Variants in RAB8B observed in about 807,000 individuals in gnomAD.
The protein encoded by RAB8B is RAB8B, member RAS oncogene family.
A neutral mutation model predicts 32.0 loss-of-function variants in RAB8B; 11 were observed. The ratio of observed to expected loss-of-function variants is 0.34; its 90% confidence interval spans 0.22 to 0.57. The LOEUF (loss-of-function observed/expected upper bound fraction) is 0.57. Among genes scored for constraint, RAB8B ranks in the 20% least tolerant of loss-of-function variants. The pLI is 0.86. For missense variants in RAB8B, 190 were observed against 258.5 expected, an observed-to-expected ratio of 0.73 and a Z score of 1.82; for synonymous variants, 103 against 89.6, an observed-to-expected ratio of 1.15 and a Z score of -0.85.
rs2038248974 is a variant in RAB8B at position 63,266,487 on chromosome 15, C to T, written c.*2868C>T. ...TTGTGCAGTCTTTGTTATAAATTTT[C>T]AGAAGACTATACTCTTTACTTTGAA... On this transcript the variant is annotated 3_prime_UTR_variant, in exon 8 of 8. Transcript: ENST00000321437. 1 of 152,536 alleles carries T rather than the reference C, an allele frequency of 6.6e-6. No individual in the cohort carries two copies. Among genetic ancestry groups the T allele is most frequent in the East Asian group, 1.9e-4 (1 of 5,204 alleles). 9.4% of individuals were successfully genotyped at this position (152,536 alleles called of 1,614,324 possible).
intron 1 of RAB8B, among the ~76,000 whole-genome samples, chr15:63,219,909 C>G (rs2037829523): frequency 1.3e-5 from 2 of 152,162 alleles, no homozygotes; most frequent in African/African-American, 4.8e-5. Context: ...GCTTTCTACT[C>G]TTTCTACATG....
intron 1 of RAB8B, among the ~76,000 whole-genome samples, chr15:63,214,038 G>A (rs999622944): frequency 2.0e-5 from 3 of 151,916 alleles, no homozygotes; most frequent in Non-Finnish European, 4.4e-5. Context: ...CCAAGATTGT[G>A]CCACTGCACT....
intron 1 of RAB8B, among the ~76,000 whole-genome samples, chr15:63,200,030 A>T (rs1020496344): frequency 3.6e-4 from 55 of 152,300 alleles, no homozygotes; most frequent in Admixed American, 2.9e-3. Context: ...GTTTTGAATT[A>T]TTCATGGCAC....
chr15:63,246,014 A>G (rs2038068940), intron 2 of RAB8B, among the ~76,000 whole-genome samples: 1 of 152,132 alleles, frequency 6.6e-6, no homozygotes, highest in Non-Finnish European at 1.5e-5. Context: ...CTGGGATTAC[A>G]GGCATGCGCT....
intron 1 of RAB8B, among the ~76,000 whole-genome samples, chr15:63,216,396 T>A (rs1283776238): frequency 6.6e-6 from 1 of 151,396 alleles, no homozygotes; most frequent in Non-Finnish European, 1.5e-5. Context: ...ACCCGGCTAA[T>A]TTTTTGTATT....
At position 63,259,689 on chromosome 15, in the gene RAB8B, A is replaced by T; in HGVS notation, c.477A>T (p.Glu159Asp). 1 of 1,613,622 alleles carries T rather than the reference A, an allele frequency of 6.2e-7. No homozygotes were observed. The highest frequency in any genetic ancestry group is 2.2e-5 in the East Asian group (1 of 44,886). ...GCGCAAAATCCAGTGCAAATGTAGA[A>T]GAGGTAAGAAGGAAACGTTTGGTGA... Reference protein sequence around the residue: ...ETSAKSSANVEEAFFTLARDI... With the variant: ...ETSAKSSANVDEAFFTLARDI... Residue 159 changes from glutamate (E) to aspartate (D), a missense_variant, in exon 6 of 8, where the codon GAA becomes GAT. By Grantham distance (45) the Glu-to-Asp change is conservative. This residue lies in a region of RAB8B where 110 missense variants were observed against 115.9 expected (regional missense o/e 0.95). Coordinates refer to ENST00000321437, the MANE Select transcript of RAB8B (RefSeq NM_016530.3). This position sits in a 1 kb window ranked among gnomAD's most constrained non-coding sequence, Gnocchi z 4.4.
rs921066988 is a variant in RAB8B at position 63,267,269 on chromosome 15, G to C, written c.*3650G>C. ...CTGAAATGTACAGAAATAAAAATTA[G>C]CAAACAATTATTCTAGGGATATTTT... On this transcript the variant is annotated 3_prime_UTR_variant, in exon 8 of 8. Transcript: ENST00000321437. 2.0e-5 allele frequency: 3 copies of C among 152,506 alleles called. No homozygotes were observed. The highest frequency in any genetic ancestry group is 4.8e-5 in the African/African-American group (2 of 41,408). 9.4% of individuals were successfully genotyped at this position (152,506 alleles called of 1,614,324 possible). A position where few individuals can be genotyped will look rare whatever the true frequency, so the allele number is the denominator to read the frequency against.
At chr15:63,218,600 G>A (rs1240182718) in intron 1 of RAB8B, among the ~76,000 whole-genome samples, 1 of 152,166 alleles carries the variant, frequency 6.6e-6, no homozygotes, top group African/African-American at 2.4e-5. Flanking sequence ...CATTTAAAGG[G>A]CATAGTCCCA....
intron 1 of RAB8B, among the ~76,000 whole-genome samples, chr15:63,198,989 A>G (rs1396622591): frequency 1.3e-5 from 2 of 152,184 alleles, no homozygotes; most frequent in African/African-American, 2.4e-5. Context: ...ATAGTTTTTT[A>G]TGGTTTTCAA....
intron 1 of RAB8B, among the ~76,000 whole-genome samples, chr15:63,243,384 A>G: frequency 6.6e-6 from 1 of 152,252 alleles, no homozygotes; most frequent in Non-Finnish European, 1.5e-5. Context: ...AGCAAATTGC[A>G]ACTAAGTTGT....
intron 1 of RAB8B, among the ~76,000 whole-genome samples, chr15:63,244,017 C>A (rs534741614): frequency 6.6e-5 from 10 of 152,132 alleles, no homozygotes; most frequent in Non-Finnish European, 1.3e-4. Context: ...AAGGACAATC[C>A]GTTCATACAG....
chr15:63,256,961 G>T (rs2038163338), intron 5 of RAB8B, among the ~76,000 whole-genome samples: 1 of 152,200 alleles, frequency 6.6e-6, no homozygotes, highest in South Asian at 2.1e-4. Flanking sequence ...ATAGGGATAG[G>T]TGAAGTTTCA....
At chr15:63,190,269 G>T (rs983073424) in intron 1 of RAB8B, among the ~76,000 whole-genome samples, 1 of 152,122 alleles carries the variant, frequency 6.6e-6, no homozygotes, top group Non-Finnish European at 1.5e-5. Context: ...GAATTCAGGG[G>T]AATGAGCGGT....
chr15:63,238,766 A>C (rs12913346), intron 1 of RAB8B, among the ~76,000 whole-genome samples: 123,900 of 152,016 alleles, frequency 0.82, 51,516 homozygotes, highest in East Asian at 0.98. Context: ...CAGGGATAGG[A>C]CTTGATTAAT....
chr15:63,211,797 C>G (rs778906306), intron 1 of RAB8B, among the ~76,000 whole-genome samples: 1 of 151,860 alleles, frequency 6.6e-6, no homozygotes, highest in African/African-American at 2.4e-5. Context: ...GGGAGTTGCC[C>G]CTAGTTGATC....
chr15:63,241,303 C>T lies in RAB8B; in HGVS notation c.125-3453C>T, dbSNP rs145170003. Among the ~76,000 whole-genome samples the T allele has an allele frequency of 4.7e-4, 71 of 152,238 alleles. 2 individuals are homozygous for T. The highest frequency in any genetic ancestry group is 1.5e-3 in the African/African-American group (64 of 41,544). ...GGCGAAGGTTGCGGTGAGCCAAGAT[C>T]GCGCCACTGCACTCCAGCCTGCACA... On this transcript the variant is annotated intron_variant, in intron 1 of 7. Coordinates refer to ENST00000321437, the MANE Select transcript of RAB8B (RefSeq NM_016530.3).
At chr15:63,225,257 A>G (rs1408924485) in intron 1 of RAB8B, among the ~76,000 whole-genome samples, 2 of 152,080 alleles carry the variant, frequency 1.3e-5, no homozygotes, top group Non-Finnish European at 1.5e-5. Flanking sequence ...ATGTTTGACA[A>G]TTTTTATTTT....
chr15:63,230,545 G>A (rs556895585), intron 1 of RAB8B, among the ~76,000 whole-genome samples: 19 of 152,186 alleles, frequency 1.2e-4, no homozygotes, highest in African/African-American at 3.9e-4. Context: ...CAGGTGATCC[G>A]CCCGCCTGGA....
chr15:63,213,310 G>T (rs114821844), intron 1 of RAB8B, among the ~76,000 whole-genome samples: 1 of 151,538 alleles, frequency 6.6e-6, no homozygotes, highest in African/African-American at 2.4e-5. Flanking sequence ...GGAGGGGGAC[G>T]TGGGGCAAAG....
Sources: allele counts gnomAD v4.1 joint callset (sites outside exome capture counted in the v4.1 genomes callset), GRCh38; gene constraint gnomAD v4.1.1; regional missense constraint gnomAD v4.1.1; non-coding constraint Gnocchi (gnomAD v3.1); transcripts MANE v1.5; gene names NCBI Gene and HGNC (gene_info 2026-07-23, HGNC 2026-07-21).